ANKS6: variants seen among roughly 807,000 people sequenced by gnomAD.
ANKS6 encodes ankyrin repeat and sterile alpha motif domain containing 6.
ANKS6 carries 47 observed loss-of-function variants against 77.9 expected under a neutral mutation model. That is an observed-to-expected ratio of 0.60 (90% confidence interval 0.48 to 0.77). ANKS6 has a LOEUF of 0.77. Ranked by LOEUF, ANKS6 falls within the 30% of genes least tolerant of loss-of-function variation. The pLI is 0.00. For synonymous variants in ANKS6, 488 were observed against 501.7 expected (o/e 0.97, Z 0.37); for missense variants, 1,150 against 1,159.1 (o/e 0.99, Z 0.11).
intron 12 of ANKS6, 24 bp downstream of exon 12, chr9:98,756,392 TGGGG>T: frequency 4.4e-6 from 7 of 1,603,294 alleles, no homozygotes; most frequent in Non-Finnish European, 6.0e-6. Context: ...GAGGAATAGG[TGGGG>T]TTTCAGGCCC....
At chr9:98,777,306 C>CACT (rs1211390284) in intron 8 of ANKS6, 99 bp downstream of exon 8, 2 of 1,309,802 alleles carry the variant, frequency 1.5e-6, no homozygotes, top group African/African-American at 2.9e-5. Flanking sequence ...TATCTGTGAC[C>CACT]ACTACAAAGA....
chr9:98,743,985 C>T (rs982978793), intron 14 of ANKS6, among the ~76,000 whole-genome samples: 1 of 152,146 alleles, frequency 6.6e-6, no homozygotes, highest in Non-Finnish European at 1.5e-5. Flanking sequence ...ACCTCCATAC[C>T]TGCCTTACCC....
chr9:98,764,438 T>G (rs1833164919), intron 11 of ANKS6, among the ~76,000 whole-genome samples: 1 of 152,208 alleles, frequency 6.6e-6, no homozygotes, highest in Admixed American at 6.5e-5. Context: ...TTTTTAAGCA[T>G]TATTTCTTTA....
chr9:98,746,828 G>A (rs894153185), intron 13 of ANKS6, among the ~76,000 whole-genome samples: 8 of 152,152 alleles, frequency 5.3e-5, no homozygotes, highest in African/African-American at 1.4e-4. Context: ...TCCCCCTGGG[G>A]AGCTGCTATT....
At chr9:98,743,440 C>T (rs957697884) in intron 14 of ANKS6, among the ~76,000 whole-genome samples, 1 of 152,194 alleles carries the variant, frequency 6.6e-6, no homozygotes, top group Non-Finnish European at 1.5e-5. Context: ...ACACACTGCA[C>T]ACCTCACTAC....
chr9:98,786,310 G>A (rs915345046), intron 2 of ANKS6, among the ~76,000 whole-genome samples: 4 of 92,680 alleles, frequency 4.3e-5, no homozygotes, highest in Admixed American at 3.7e-4. Context: ...TTTTTTTTTT[G>A]AGATGGAGTC....
chr9:98,743,522 A>G (rs906727314), intron 14 of ANKS6, among the ~76,000 whole-genome samples: 1 of 151,488 alleles, frequency 6.6e-6, no homozygotes, highest in African/African-American at 2.4e-5. Context: ...AGTGGTTTCC[A>G]CTCTTGCTTC....
chr9:98,748,017 A>G (rs530811613), intron 13 of ANKS6, among the ~76,000 whole-genome samples: 1 of 152,206 alleles, frequency 6.6e-6, no homozygotes, highest in Admixed American at 6.5e-5. Flanking sequence ...CTCTTTCTCC[A>G]AAGTTCAGCT....
intron 4 of ANKS6, 96 bp downstream of exon 4, chr9:98,783,857 C>T: frequency 9.2e-7 from 1 of 1,092,456 alleles, no homozygotes; most frequent in East Asian, 3.1e-5. Flanking sequence ...GGTTTGTATG[C>T]AGCATCTCAG....
chr9:98,735,130 G>A lies in ANKS6; in HGVS notation c.*1389C>T, dbSNP rs745554147. On this transcript the variant is annotated 3_prime_UTR_variant, in exon 15 of 15. Transcript: ENST00000353234. ...TCAGAATTCTGTGCAGCCTACCATCGACTGGGTACTTCCTGCAGACCCAGC... is the reference window on the plus strand; with the variant it reads ...TCAGAATTCTGTGCAGCCTACCATCAACTGGGTACTTCCTGCAGACCCAGC... The A allele has an allele frequency of 3.5e-5, 34 of 985,286 alleles. No homozygotes were observed. Among genetic ancestry groups the A allele is most frequent in the Non-Finnish European group, 3.7e-5 (31 of 829,946 alleles). The allele number at this position is 985,286 out of a possible 1,614,324, so 61.0% of individuals were successfully genotyped here.
Position 98,784,888 on chromosome 9 carries a change from A to G in ANKS6, c.863-12T>C, listed in dbSNP as rs780134325. On this transcript the variant is annotated splice_polypyrimidine_tract_variant and intron_variant, in intron 2 of 14. Coordinates refer to ENST00000353234, the MANE Select transcript of ANKS6 (RefSeq NM_173551.5). ...CCTTTTCTCCTCATCTGGGTAAACAAAGATTTTTAAAGTTAACCACGGAAA... is the reference window on the plus strand; with the variant it reads ...CCTTTTCTCCTCATCTGGGTAAACAGAGATTTTTAAAGTTAACCACGGAAA... The G allele has an allele frequency of 1.2e-6, 2 of 1,611,800 alleles. No homozygotes were observed. The highest frequency in any genetic ancestry group is 1.3e-5 in the African/African-American group (1 of 74,892).
chr9:98,773,710 G>A (rs1833760317), intron 9 of ANKS6, among the ~76,000 whole-genome samples, 167 bp downstream of exon 9: 1 of 152,044 alleles, frequency 6.6e-6, no homozygotes, highest in Non-Finnish European at 1.5e-5. Context: ...TTTCCATACT[G>A]AGTTGCTCTG....
At chr9:98,752,923 T>A (rs992130950) in intron 12 of ANKS6, among the ~76,000 whole-genome samples, 1 of 152,206 alleles carries the variant, frequency 6.6e-6, no homozygotes, top group African/African-American at 2.4e-5. Flanking sequence ...CGAGGATGTA[T>A]GAGACAAATC....
Position 98,782,588 on chromosome 9 carries a change from TAG to T in ANKS6, c.1113-17_1113-16del. On this transcript the variant is annotated splice_polypyrimidine_tract_variant and intron_variant, in intron 4 of 14. Coordinates refer to ENST00000353234, the MANE Select transcript of ANKS6 (RefSeq NM_173551.5). ...TTTCCTTATTCCTGGGAAAAAATGC[TAG>T]AGTTACATTCACTGAAAGCAAAGGC... 6.2e-7 allele frequency: 1 copy of T among 1,603,418 alleles called. No homozygotes were observed. The highest frequency in any genetic ancestry group is 8.5e-7 in the Non-Finnish European group (1 of 1,170,332).
chr9:98,784,307 A>T, intron 3 of ANKS6, 150 bp from the exon 4 acceptor site: 1 of 638,618 alleles, frequency 1.6e-6, no homozygotes. Flanking sequence ...AGGGCGTCAG[A>T]GATAGCCCCG....
intron 13 of ANKS6, among the ~76,000 whole-genome samples, chr9:98,746,623 G>C (rs1832149006): frequency 6.7e-6 from 1 of 148,378 alleles, no homozygotes; most frequent in South Asian, 2.1e-4. Context: ...AACATGGCCA[G>C]TAAGTGGCAG....
At chr9:98,780,487 T>TTTTGAAGATCAGATGGA in intron 5 of ANKS6, 150 bp from the exon 6 acceptor site, 1 of 981,340 alleles carries the variant, frequency 1.0e-6, no homozygotes, top group Non-Finnish European at 1.5e-6. Flanking sequence ...CCTCTCCATC[T>TTTTGAAGATCAGATGGA]GATCTTCAAA....
In ANKS6 at chr9:98,735,114, T is replaced by C; in HGVS notation, c.*1405A>G. ...TGGCTCAAGGTAGAGATCAGAATTC[T>C]GTGCAGCCTACCATCGACTGGGTAC... On this transcript the variant is annotated 3_prime_UTR_variant, in exon 15 of 15. Transcript: ENST00000353234. The C allele has an allele frequency of 1.0e-6, 1 of 985,398 alleles. No homozygotes were observed. Among genetic ancestry groups the C allele is most frequent in the Non-Finnish European group, 1.2e-6 (1 of 829,926 alleles). 61.0% of individuals were successfully genotyped at this position (985,398 alleles called of 1,614,324 possible). A position where few individuals can be genotyped will look rare whatever the true frequency, so the allele number is the denominator to read the frequency against.
chr9:98,747,658 G>T lies in ANKS6; in HGVS notation c.2395-1983C>A, dbSNP rs985441729. Among the ~76,000 whole-genome samples the T allele has an allele frequency of 3.3e-5, 5 of 152,132 alleles. No homozygotes were observed. In the East Asian group the frequency reaches 9.7e-4, roughly 29 times the overall value. The stretch of plus-strand genomic sequence containing the variant: ...CCCTAGCAGGGACCCCACATCCAGC[G>T]TGGCACCATGGCCAGTCCTCAGCGA... On this transcript the variant is annotated intron_variant, in intron 13 of 14. Transcript: ENST00000353234.
Sources: gnomAD v4.1 joint callset for allele counts (sites outside exome capture counted in the v4.1 genomes callset) on GRCh38, gnomAD v4.1.1 for gene constraint, MANE v1.5 for transcripts, NCBI Gene and HGNC (gene_info 2026-07-23, HGNC 2026-07-21) for gene names.